The following SLC9A9 variants were observed in gnomAD, a reference collection of about 807,000 sequenced individuals.
The protein encoded by SLC9A9 is sodium/hydrogen exchanger 9.
Under a neutral mutation model 77.8 loss-of-function variants are expected in SLC9A9, and 62 were observed. The observed-to-expected ratio is 0.80, with a 90% CI of 0.65 to 0.98. SLC9A9 has a LOEUF of 0.98. Ranked by LOEUF, SLC9A9 falls within the 50% of genes least tolerant of loss-of-function variation. The pLI is 0.00. For missense variants in SLC9A9, 775 were observed against 774.9 expected, an observed-to-expected ratio of 1.00 and a Z score of 0.00; for synonymous variants, 320 against 283.5, an observed-to-expected ratio of 1.13 and a Z score of -1.29.
chr3:143,776,631 T>C (rs900768929), intron 4 of SLC9A9, among the ~76,000 whole-genome samples: 3 of 152,244 alleles, frequency 2.0e-5, no homozygotes, highest in South Asian at 2.1e-4. Flanking sequence ...AATTGTCTAA[T>C]TGGAGAAAAT....
At chr3:143,385,631 CT>C (rs2033405957) in intron 12 of SLC9A9, among the ~76,000 whole-genome samples, 1 of 152,232 alleles carries the variant, frequency 6.6e-6, no homozygotes, top group Non-Finnish European at 1.5e-5. Flanking sequence ...TGAGCATCCA[CT>C]TTTGTGCACA....
rs576520677 is a variant in SLC9A9 at position 143,822,585 on chromosome 3, G to C, written c.378+9434C>G. On this transcript the variant is annotated intron_variant, in intron 2 of 15. Transcript: ENST00000316549. The stretch of plus-strand genomic sequence containing the variant: ...CTGTCTGTGGAGCCTACCTCAGGCT[G>C]TATCTGTTACTAAACAGGAGCTTCC... 2.0e-5 allele frequency among the ~76,000 whole-genome samples: 3 copies of C among 152,320 alleles called. No homozygotes were observed. In the East Asian group the frequency reaches 5.8e-4, roughly 29 times the overall value.
intron 4 of SLC9A9, among the ~76,000 whole-genome samples, chr3:143,710,500 A>G (rs887654189): frequency 1.3e-5 from 2 of 152,094 alleles, no homozygotes; most frequent in African/African-American, 4.8e-5. Flanking sequence ...TTCTCCTCAC[A>G]TATGAAGCTG....
intron 14 of SLC9A9, among the ~76,000 whole-genome samples, chr3:143,302,061 G>T (rs1421605123): frequency 6.6e-6 from 1 of 152,134 alleles, no homozygotes; most frequent in African/African-American, 2.4e-5. Context: ...TGCTGGCCTG[G>T]TATATCTTAC....
chr3:143,692,394 A>G (rs1933497818), intron 5 of SLC9A9, among the ~76,000 whole-genome samples: 1 of 152,158 alleles, frequency 6.6e-6, no homozygotes. Context: ...TACAATGGCA[A>G]TACTCATTTT....
intron 6 of SLC9A9, among the ~76,000 whole-genome samples, chr3:143,631,257 G>A (rs529886037): frequency 6.6e-6 from 1 of 152,196 alleles, no homozygotes; most frequent in East Asian, 1.9e-4. Flanking sequence ...CCCTGCATTT[G>A]GGTCAAAATT....
Position 143,672,457 on chromosome 3 carries a change from C to A in SLC9A9, c.650-20097G>T, listed in dbSNP as rs141639002. Among the ~76,000 whole-genome samples, 56 of 152,282 alleles carry A rather than the reference C, an allele frequency of 3.7e-4. No individual in the cohort carries two copies. The East Asian group carries it at 8.5e-3, about 23-fold the overall frequency. On this transcript the variant is annotated intron_variant, in intron 5 of 15. Transcript: ENST00000316549. ...TCAGAGAAACTGAAGGAAAACAAAA[C>A]TGAAAAATAAAAACTTTTCTGATTA...
intron 13 of SLC9A9, among the ~76,000 whole-genome samples, chr3:143,364,373 A>G (rs1162343144): frequency 6.6e-6 from 1 of 152,168 alleles, no homozygotes; most frequent in Non-Finnish European, 1.5e-5. Flanking sequence ...CCTTATCATT[A>G]AAAGCATTTA....
intron 4 of SLC9A9, among the ~76,000 whole-genome samples, chr3:143,764,402 A>G (rs2007235237): frequency 6.6e-6 from 1 of 152,212 alleles, no homozygotes; most frequent in African/African-American, 2.4e-5. Context: ...AATGTAATAT[A>G]TGCAATTCAA....
chr3:143,837,114 T>C (rs779582806), intron 1 of SLC9A9, among the ~76,000 whole-genome samples: 38 of 152,210 alleles, frequency 2.5e-4, no homozygotes, highest in Non-Finnish European at 5.1e-4. Context: ...TTCAGAATGT[T>C]TTTTAAAACA....
chr3:143,275,565 T>G (rs1465705119), intron 14 of SLC9A9, among the ~76,000 whole-genome samples: 1 of 152,182 alleles, frequency 6.6e-6, no homozygotes, highest in Admixed American at 6.5e-5. Flanking sequence ...TTTCTTCCCC[T>G]TCACCTGGTA....
At chr3:143,424,012 T>A (rs1449415014) in intron 12 of SLC9A9, among the ~76,000 whole-genome samples, 3 of 152,186 alleles carry the variant, frequency 2.0e-5, no homozygotes, top group Admixed American at 2.0e-4. Flanking sequence ...TGAAAGTTAA[T>A]GAAAGATTTA....
intron 14 of SLC9A9, among the ~76,000 whole-genome samples, chr3:143,348,129 T>C (rs530073415): frequency 6.6e-5 from 10 of 152,158 alleles, no homozygotes; most frequent in African/African-American, 2.4e-4. Flanking sequence ...TTCTCCTGCT[T>C]CAGCCTCCTG....
At chr3:143,636,581 A>C (rs1235543579) in intron 6 of SLC9A9, among the ~76,000 whole-genome samples, 1 of 152,220 alleles carries the variant, frequency 6.6e-6, no homozygotes, top group African/African-American at 2.4e-5. Context: ...CAAATGGTGA[A>C]CATTGTACCT....
At chr3:143,319,564 GAAGAAA>G in intron 14 of SLC9A9, among the ~76,000 whole-genome samples, 1 of 152,206 alleles carries the variant, frequency 6.6e-6, no homozygotes, top group African/African-American at 2.4e-5. Context: ...TCATCTGTCA[GAAGAAA>G]GGGGTTTGTT....
intron 6 of SLC9A9, among the ~76,000 whole-genome samples, chr3:143,606,195 A>G (rs2037918694): frequency 6.6e-6 from 1 of 152,016 alleles, no homozygotes. Flanking sequence ...ACCTGAGGTC[A>G]GGAGTTCGAT....
chr3:143,834,910 T>C (rs1356902600), intron 1 of SLC9A9, among the ~76,000 whole-genome samples: 1 of 152,134 alleles, frequency 6.6e-6, no homozygotes, highest in Non-Finnish European at 1.5e-5. Flanking sequence ...AGGAGGCAAT[T>C]GACCAGTGGT....
chr3:143,719,099 T>C (rs756915183), intron 4 of SLC9A9, among the ~76,000 whole-genome samples: 1 of 152,236 alleles, frequency 6.6e-6, no homozygotes, highest in East Asian at 1.9e-4. Context: ...TTGGTTCTTA[T>C]AGGACACAAC....
chr3:143,426,706 A>G (rs1332236755), intron 12 of SLC9A9, among the ~76,000 whole-genome samples: 1 of 152,252 alleles, frequency 6.6e-6, no homozygotes, highest in Non-Finnish European at 1.5e-5. Context: ...GGAACTAGAA[A>G]TGGGAATTAT....
Sources: allele counts gnomAD v4.1 joint callset (sites outside exome capture counted in the v4.1 genomes callset), GRCh38; gene constraint gnomAD v4.1.1; transcripts MANE v1.5; gene names NCBI Gene and HGNC (gene_info 2026-07-23, HGNC 2026-07-21).